GABRR2: variants seen among roughly 807,000 people sequenced by gnomAD.
GABRR2 encodes gamma-aminobutyric acid receptor subunit rho-2.
GABRR2 carries 36 observed loss-of-function variants against 47.0 expected under a neutral mutation model. The ratio of observed to expected loss-of-function variants is 0.77; its 90% CI spans 0.59 to 1.01. The LOEUF (loss-of-function observed/expected upper bound fraction) is 1.01. Among genes scored for constraint, GABRR2 ranks in the 50% least tolerant of loss-of-function variants. GABRR2 has a pLI of 0.00. For missense variants in GABRR2, 587 were observed against 594.6 expected (o/e 0.99, Z 0.13); for synonymous variants, 204 against 227.5 (o/e 0.90, Z 0.93).
At chr6:89,297,536 T>A (rs376804880) in intron 2 of GABRR2, among the ~76,000 whole-genome samples, 1 of 152,062 alleles carries the variant, frequency 6.6e-6, no homozygotes. Context: ...GAATGGTGCC[T>A]GGCATAAAAA....
chr6:89,310,183 A>T (rs921529963), intron 1 of GABRR2, among the ~76,000 whole-genome samples: 1 of 152,092 alleles, frequency 6.6e-6, no homozygotes. Context: ...CTAAAAAAAA[A>T]TTTATTTCCC....
intron 1 of GABRR2, chr6:89,301,830 C>T: frequency 1.9e-6 from 2 of 1,034,952 alleles, no homozygotes; most frequent in Non-Finnish European, 1.5e-6. Context: ...GCAACTAGAT[C>T]GGGGCCAAGT....
intron 7 of GABRR2, 69 bp from the exon 8 acceptor site, chr6:89,264,677 C>G: frequency 6.5e-7 from 1 of 1,547,402 alleles, no homozygotes; most frequent in Non-Finnish European, 8.8e-7. Flanking sequence ...CACTAAGTCA[C>G]GATTTTACAC....
At chr6:89,264,693 A>G (rs1773846574) in intron 7 of GABRR2, 85 bp from the exon 8 acceptor site, 6 of 1,502,858 alleles carry the variant, frequency 4.0e-6, no homozygotes, top group African/African-American at 1.4e-5. Flanking sequence ...TACACTCTCT[A>G]TCTCTTAAAC....
At chr6:89,307,161 C>T (rs1180008191) in intron 1 of GABRR2, among the ~76,000 whole-genome samples, 1 of 152,162 alleles carries the variant, frequency 6.6e-6, no homozygotes, top group African/African-American at 2.4e-5. Flanking sequence ...TGCTTCTCAG[C>T]CTTAACCACA....
chr6:89,302,691 T>C, intron 1 of GABRR2: 2 of 1,316,416 alleles, frequency 1.5e-6, no homozygotes, highest in Non-Finnish European at 2.1e-6. Context: ...CCACGGCTGC[T>C]ACCTGGCAGT....
At chr6:89,302,565 ACTT>A in intron 1 of GABRR2, 1 of 985,916 alleles carries the variant, frequency 1.0e-6, no homozygotes. Flanking sequence ...CCCTGCCTGC[ACTT>A]CTTCATGCCA....
Position 89,257,514 on chromosome 6 carries a change from G to T in GABRR2, c.*156C>A. 1 of 644,698 alleles carries T rather than the reference G, an allele frequency of 1.6e-6. No homozygotes were observed. 39.9% of individuals were successfully genotyped at this position (644,698 alleles called of 1,614,324 possible). On this transcript the variant is annotated 3_prime_UTR_variant, in exon 9 of 9. Coordinates refer to ENST00000402938, the MANE Select transcript of GABRR2 (RefSeq NM_002043.5). ...GGTCTGGGGTCAGGGCAGCTGGAAG[G>T]CTCCTGGGCTTCTCTGAGAGATGAG...
intron 8 of GABRR2, among the ~76,000 whole-genome samples, chr6:89,260,257 G>A (rs1319990360): frequency 6.6e-6 from 1 of 152,118 alleles, no homozygotes; most frequent in Non-Finnish European, 1.5e-5. Context: ...TGATAAAATT[G>A]TGTGATATTA....
rs1767738873 is a variant in GABRR2 at position 89,315,049 on chromosome 6, T to C, written c.113+4A>G. 6.2e-7 allele frequency: 1 copy of C among 1,612,266 alleles called. No homozygotes were observed. Among genetic ancestry groups the C allele is most frequent in the Admixed American group, 1.7e-5 (1 of 59,914 alleles). On this transcript the variant is annotated splice_donor_region_variant and intron_variant, in intron 1 of 8. Transcript: ENST00000402938. ...CCTCCCTCCTTTCCCACCTATGACT[T>C]TACCTTGGCTTGGGCATTTCCACCT...
rs142739923 is a variant in GABRR2, at chr6:89,257,457, C to T, written c.*213G>A. On this transcript the variant is annotated 3_prime_UTR_variant, in exon 9 of 9. Transcript: ENST00000402938. Reference sequence around the variant, plus strand: ...TCCCAGAGAGATGTGAAGTGTGACGCGAGACAGCATGAACATGGAGCAGCC... The same window carrying T: ...TCCCAGAGAGATGTGAAGTGTGACGTGAGACAGCATGAACATGGAGCAGCC... 7.0e-6 allele frequency: 4 copies of T among 574,528 alleles called. No homozygotes were observed. The highest frequency in any genetic ancestry group is 1.9e-5 in the African/African-American group (1 of 53,546). The allele number at this position is 574,528 out of a possible 1,614,324, so 35.6% of individuals were successfully genotyped here.
intron 8 of GABRR2, among the ~76,000 whole-genome samples, chr6:89,259,715 G>C (rs1773698121): frequency 6.6e-6 from 1 of 151,718 alleles, no homozygotes; most frequent in Non-Finnish European, 1.5e-5. Context: ...TGTTAGCCAG[G>C]CTGGTCTCGA....
intron 1 of GABRR2, among the ~76,000 whole-genome samples, chr6:89,301,579 T>A (rs1382497262): frequency 6.6e-6 from 1 of 151,886 alleles, no homozygotes; most frequent in Non-Finnish European, 1.5e-5. Flanking sequence ...ATGCCAACAA[T>A]GGTCAAGCCT....
intron 1 of GABRR2, among the ~76,000 whole-genome samples, chr6:89,301,322 G>C (rs1465291835): frequency 6.6e-6 from 1 of 152,076 alleles, no homozygotes; most frequent in Non-Finnish European, 1.5e-5. Context: ...CACAAGACAA[G>C]GGTGCCCTCT....
At chr6:89,304,754 A>T (rs545276926) in intron 1 of GABRR2, among the ~76,000 whole-genome samples, 1 of 152,334 alleles carries the variant, frequency 6.6e-6, no homozygotes, top group South Asian at 2.1e-4. Context: ...GTCTCACACC[A>T]GTCAGAATCA....
At chr6:89,295,217 C>T (rs1457626662) in intron 2 of GABRR2, among the ~76,000 whole-genome samples, 1 of 152,238 alleles carries the variant, frequency 6.6e-6, no homozygotes, top group Non-Finnish European at 1.5e-5. Context: ...AATCGCCACA[C>T]TATCTTCCAC....
chr6:89,254,575 T>C lies in GABRR2; in HGVS notation c.*3095A>G, dbSNP rs78185191. On this transcript the variant is annotated 3_prime_UTR_variant, in exon 9 of 9. Coordinates refer to ENST00000402938, the MANE Select transcript of GABRR2 (RefSeq NM_002043.5). ...CATTGGCATTCCAGAATTTGATTGT[T>C]AGTATTTTTTCTCAGTACATAAAAT... Among the ~76,000 whole-genome samples the C allele has an allele frequency of 8.2e-4, 125 of 152,330 alleles. No homozygotes were observed. In the East Asian group the frequency reaches 0.021, roughly 26 times the overall value.
At chr6:89,265,569 T>G (rs1454777790) in intron 7 of GABRR2, 44 bp downstream of exon 7, 1 of 1,557,116 alleles carries the variant, frequency 6.4e-7, no homozygotes, top group African/African-American at 1.4e-5. Flanking sequence ...AGTGATAAGT[T>G]GAAAAAAATA....
At chr6:89,304,247 A>G (rs1393562523) in intron 1 of GABRR2, among the ~76,000 whole-genome samples, 1 of 152,236 alleles carries the variant, frequency 6.6e-6, no homozygotes, top group African/African-American at 2.4e-5. Context: ...ACTTAAATTT[A>G]CAAGAAAAAA....
Sources: gnomAD v4.1 joint callset for allele counts (sites outside exome capture counted in the v4.1 genomes callset) on GRCh38, gnomAD v4.1.1 for gene constraint, MANE v1.5 for transcripts, NCBI Gene and HGNC (gene_info 2026-07-23, HGNC 2026-07-21) for gene names.